Variants in DENND1A observed in about 807,000 individuals in gnomAD.
DENND1A encodes the protein DENN domain containing 1A, also known as DENN domain-containing protein 1A.
In DENND1A, 51 loss-of-function variants were observed where a neutral mutation model predicts 113.7. The ratio of observed to expected loss-of-function variants is 0.45; its 90% confidence interval spans 0.36 to 0.57. The LOEUF is 0.57. Ranked by LOEUF, DENND1A falls within the 20% of genes least tolerant of loss-of-function variation. The probability of loss-of-function intolerance (pLI) is 0.00; values close to 1 mark genes in which losing one functional copy is unlikely to be tolerated. For missense variants in DENND1A, 1,258 were observed against 1,395.9 expected, an observed-to-expected ratio of 0.90 and a Z score of 1.57; for synonymous variants, 565 against 570.8, an observed-to-expected ratio of 0.99 and a Z score of 0.14.
intron 13 of DENND1A, among the ~76,000 whole-genome samples, chr9:123,492,293 T>A (rs1230313147): frequency 6.6e-6 from 1 of 152,136 alleles, no homozygotes; most frequent in Non-Finnish European, 1.5e-5. Flanking sequence ...AGGGGGTCAC[T>A]CCCAGGCACA....
At chr9:123,401,652 A>T (rs2043472034) in intron 21 of DENND1A, 24 of 1,467,028 alleles carry the variant, frequency 1.6e-5, no homozygotes, top group Non-Finnish European at 2.0e-5. Flanking sequence ...AAAACAGGGC[A>T]TATTAAACAA....
intron 13 of DENND1A, among the ~76,000 whole-genome samples, chr9:123,495,067 C>T (rs2134066242): frequency 1.3e-5 from 2 of 152,148 alleles, no homozygotes; most frequent in African/African-American, 4.8e-5. Flanking sequence ...GCTGGGATTA[C>T]AGGCACGAGC....
rs561928664 is a variant in DENND1A, at chr9:123,551,894, CCTTCCTT to C, written c.993+5669_993+5675del. Among the ~76,000 whole-genome samples the C allele has an allele frequency of 3.9e-3, 597 of 152,236 alleles. 1 individual carries two copies. The highest frequency in any genetic ancestry group is 0.014 in the African/African-American group (574 of 41,516). On this transcript the variant is annotated intron_variant, in intron 13 of 23. Coordinates refer to ENST00000394215, the MANE Select transcript of DENND1A (RefSeq NM_001352964.2). ...AGGGCTGGGCCTCAGCAAGCGGTCC[CCTTCCTT>C]CTTCCTTCTGGATCTGGTAAAGAAA...
intron 5 of DENND1A, among the ~76,000 whole-genome samples, chr9:123,697,228 G>T (rs899644352): frequency 6.6e-6 from 1 of 151,752 alleles, no homozygotes; most frequent in African/African-American, 2.4e-5. Context: ...CTTTTTTCTT[G>T]GATTAAAAAA....
intron 5 of DENND1A, among the ~76,000 whole-genome samples, chr9:123,749,710 G>T (rs2069835386): frequency 1.3e-5 from 2 of 152,172 alleles, no homozygotes; most frequent in African/African-American, 4.8e-5. Flanking sequence ...GCCATCAGCA[G>T]CAGTCACTAG....
chr9:123,637,762 T>C (rs1016077633), intron 9 of DENND1A, among the ~76,000 whole-genome samples: 3 of 151,922 alleles, frequency 2.0e-5, no homozygotes, highest in East Asian at 1.9e-4. Flanking sequence ...GAGCAAACAG[T>C]GTCTTGCTTT....
chr9:123,381,928 A>T lies in DENND1A; in HGVS notation c.2717T>A (p.Leu906Gln). The change falls in exon 24 of 24, where the codon CTG becomes CAG. Residue 906 changes from leucine (L) to glutamine (Q), a missense_variant. By Grantham distance (113) the Leu-to-Gln change is moderately radical (BLOSUM62 -2). This residue lies in a region of DENND1A where 1,159 missense variants were observed against 1,231.7 expected (regional missense o/e 0.94). Coordinates refer to ENST00000394215, the MANE Select transcript of DENND1A (RefSeq NM_001352964.2). The surrounding 1 kb of genome is among the most constrained non-coding windows in gnomAD (Gnocchi z 4.7). Reference protein sequence around the residue: ...VPSMPAAPPTLPLVSTPAGPF... With the variant: ...VPSMPAAPPTQPLVSTPAGPF... ...CCCGGCTGGTGTGGAGACCAGGGGCAGGGTGGGTGGGGCTGCTGGCATGGA... is the reference window on the plus strand; with the variant it reads ...CCCGGCTGGTGTGGAGACCAGGGGCTGGGTGGGTGGGGCTGCTGGCATGGA... The T allele has an allele frequency of 9.7e-6, 1 of 103,350 alleles. No homozygotes were observed. The highest frequency in any genetic ancestry group is 1.9e-5 in the Non-Finnish European group (1 of 51,742). The allele number at this position is 103,350 out of a possible 1,614,324, so 6.4% of individuals were successfully genotyped here.
At chr9:123,606,555 T>G (rs1482554292) in intron 11 of DENND1A, among the ~76,000 whole-genome samples, 1 of 152,210 alleles carries the variant, frequency 6.6e-6, no homozygotes, top group Non-Finnish European at 1.5e-5. Flanking sequence ...AGGCCTTATT[T>G]TAAATTACTT....
At chr9:123,407,952 C>T (rs1296661454) in intron 20 of DENND1A, among the ~76,000 whole-genome samples, 5 of 152,232 alleles carry the variant, frequency 3.3e-5, no homozygotes, top group African/African-American at 9.6e-5. Flanking sequence ...CATGCCCCTT[C>T]GTCCAGGAGA....
chr9:123,736,336 A>AG (rs2068563886), intron 5 of DENND1A: 1 of 152,142 alleles, frequency 6.6e-6, no homozygotes, highest in East Asian at 1.9e-4. Context: ...GTCTAGATTG[A>AG]GGGTCTCTCT....
intron 13 of DENND1A, among the ~76,000 whole-genome samples, chr9:123,512,884 C>T (rs1271870802): frequency 1.3e-5 from 2 of 152,152 alleles, no homozygotes; most frequent in Non-Finnish European, 2.9e-5. Flanking sequence ...TTAAGGGCTG[C>T]TGTGAGGATT....
chr9:123,562,202 C>T (rs191533404), intron 12 of DENND1A, among the ~76,000 whole-genome samples: 15 of 152,298 alleles, frequency 9.8e-5, no homozygotes, highest in Admixed American at 7.2e-4. Context: ...GGCTGTCCTC[C>T]ATCAGCCTCA....
chr9:123,636,980 G>A lies in DENND1A; in HGVS notation c.619-6504C>T, dbSNP rs761816082. Among the ~76,000 whole-genome samples, 51 of 152,300 alleles carry A rather than the reference G, an allele frequency of 3.3e-4. 1 individual carries two copies. The highest frequency in any genetic ancestry group is 2.9e-4 in the Non-Finnish European group (20 of 68,022). ...GCCTGGATTATAGGCGTGAGCCACCGCGCCCGGCCCCAGACATTTAACAAA... is the reference window on the plus strand; with the variant it reads ...GCCTGGATTATAGGCGTGAGCCACCACGCCCGGCCCCAGACATTTAACAAA... On this transcript the variant is annotated intron_variant, in intron 9 of 23. Transcript: ENST00000394215.
At chr9:123,901,171 C>A (rs1851556824) in intron 1 of DENND1A, among the ~76,000 whole-genome samples, 1 of 152,116 alleles carries the variant, frequency 6.6e-6, no homozygotes, top group Non-Finnish European at 1.5e-5. Context: ...AAGGCTCACC[C>A]TGGATACTGT....
At chr9:123,850,986 T>C (rs953701373) in intron 2 of DENND1A, among the ~76,000 whole-genome samples, 2 of 152,154 alleles carry the variant, frequency 1.3e-5, no homozygotes, top group Non-Finnish European at 2.9e-5. Flanking sequence ...GATGACTGGA[T>C]TTTAAAAGAT....
intron 14 of DENND1A, 91 bp from the exon 15 acceptor site, chr9:123,457,526 G>C: frequency 9.1e-7 from 1 of 1,095,216 alleles, no homozygotes; most frequent in Non-Finnish European, 1.4e-6. Context: ...TCCAAGGTAG[G>C]AGTTTTCAAA....
At chr9:123,775,315 A>G (rs1264787772) in intron 3 of DENND1A, among the ~76,000 whole-genome samples, 2 of 152,146 alleles carry the variant, frequency 1.3e-5, no homozygotes, top group African/African-American at 4.8e-5. Flanking sequence ...TAATATGATT[A>G]CTCTAAAATA....
At chr9:123,445,203 G>A (rs1588563666) in intron 18 of DENND1A, among the ~76,000 whole-genome samples, 1 of 152,172 alleles carries the variant, frequency 6.6e-6, no homozygotes, top group South Asian at 2.1e-4. Flanking sequence ...CCAGGGTCTC[G>A]GGAGACTAGA....
intron 18 of DENND1A, 128 bp from the exon 19 acceptor site, chr9:123,440,619 G>GATGGAGGGA: frequency 7.9e-7 from 1 of 1,264,300 alleles, no homozygotes; most frequent in Non-Finnish European, 1.0e-6. Flanking sequence ...TCTTGATGAA[G>GATGGAGGGA]ATGGAGGGAA....
Sources: allele counts gnomAD v4.1 joint callset (sites outside exome capture counted in the v4.1 genomes callset), GRCh38; gene constraint gnomAD v4.1.1; regional missense constraint gnomAD v4.1.1; non-coding constraint Gnocchi (gnomAD v3.1); transcripts MANE v1.5; gene names NCBI Gene and HGNC (gene_info 2026-07-23, HGNC 2026-07-21).